Variants in PTPN13 observed in about 807,000 individuals in gnomAD.
PTPN13 encodes tyrosine-protein phosphatase non-receptor type 13.
A neutral mutation model predicts 284.0 loss-of-function variants in PTPN13; 191 were observed. The ratio of observed to expected loss-of-function variants is 0.67; its 90% CI spans 0.60 to 0.76. PTPN13 has a LOEUF of 0.76. Among genes scored for constraint, PTPN13 ranks in the 30% least tolerant of loss-of-function variants. The pLI, the probability that PTPN13 is intolerant of heterozygous loss-of-function variation, is 0.00. For synonymous variants in PTPN13, 986 were observed against 1,022.3 expected (o/e 0.96, Z 0.68); for missense variants, 2,797 against 2,939.9 (o/e 0.95, Z 1.12).
intron 2 of PTPN13, among the ~76,000 whole-genome samples, chr4:86,651,208 T>C (rs1172944840): frequency 6.6e-6 from 1 of 152,214 alleles, no homozygotes; most frequent in African/African-American, 2.4e-5. Context: ...TGATATGATA[T>C]CTACCATTGA....
intron 1 of PTPN13, among the ~76,000 whole-genome samples, chr4:86,623,505 C>T (rs1721485432): frequency 6.6e-6 from 1 of 152,200 alleles, no homozygotes; most frequent in South Asian, 2.1e-4. Flanking sequence ...ACTTGGCATT[C>T]ATATGCATCT....
intron 42 of PTPN13, 22 bp from the exon 43 acceptor site, chr4:86,803,687 T>C (rs1432120318): frequency 6.2e-7 from 1 of 1,611,226 alleles, no homozygotes; most frequent in African/African-American, 1.3e-5. Flanking sequence ...GAACTGTTTT[T>C]AAATTGCTGT....
intron 2 of PTPN13, among the ~76,000 whole-genome samples, chr4:86,649,404 A>T (rs1277663371): frequency 1.3e-5 from 2 of 152,124 alleles, no homozygotes; most frequent in Non-Finnish European, 2.9e-5. Context: ...TGATTTTTGT[A>T]TAAGGCAAGA....
Position 86,810,000 on chromosome 4 carries a change from T to A in PTPN13, c.7299+16T>A, listed in dbSNP as rs751388470. On this transcript the variant is annotated intron_variant, in intron 46 of 47. Transcript: ENST00000411767. ...GGATCTTGATGTGAGTACAAGATAT[T>A]GGCTGAGTAAGCATTTGTTCAGAAA... is the stretch of plus-strand genomic sequence containing the variant. 1.3e-6 allele frequency: 2 copies of A among 1,598,224 alleles called. No homozygotes were observed. Among genetic ancestry groups the A allele is most frequent in the Non-Finnish European group, 1.7e-6 (2 of 1,167,670 alleles).
chr4:86,691,372 G>T lies in PTPN13; in HGVS notation c.546+2182G>T, dbSNP rs1054656758. On this transcript the variant is annotated intron_variant, in intron 5 of 47. Coordinates refer to ENST00000411767, the MANE Select transcript of PTPN13 (RefSeq NM_080683.3). ...TTTGGGGAACAGTATGACATGGGGT[G>T]TATTGTGGGGTTATTTAATGGGAGA... is the stretch of plus-strand genomic sequence containing the variant. 3.1e-4 allele frequency among the ~76,000 whole-genome samples: 47 copies of T among 152,256 alleles called. 1 individual carries two copies. Among genetic ancestry groups the T allele is most frequent in the African/African-American group, 1.1e-3 (45 of 41,552 alleles).
chr4:86,794,001 G>A (rs572759585), intron 40 of PTPN13, among the ~76,000 whole-genome samples: 47 of 152,234 alleles, frequency 3.1e-4, no homozygotes, highest in African/African-American at 9.9e-4. Context: ...ACTAAGATCA[G>A]AGCAGAACTG....
At position 86,780,447 on chromosome 4, in the gene PTPN13, A is replaced by C. The variant is rs1306526802; in HGVS notation, c.5937A>C (p.Ser1979=). ...CCAGCTCAAAGAGGTCTGCTGTTTC[A>C]GCTCCAAAGTCAACCAAAGGCAATG... ...VVPSSKRSAV[S]APKSTKGNGS... The change falls in exon 36 of 48, where the codon TCA becomes TCC. Residue 1979 remains serine (S), a synonymous_variant. Transcript: ENST00000411767. 4 of 1,610,418 alleles carry C rather than the reference A, an allele frequency of 2.5e-6. No individual in the cohort carries two copies. Among genetic ancestry groups the C allele is most frequent in the Non-Finnish European group, 3.4e-6 (4 of 1,177,716 alleles).
intron 4 of PTPN13, among the ~76,000 whole-genome samples, chr4:86,688,683 G>A (rs1250531647): frequency 6.6e-6 from 1 of 152,092 alleles, no homozygotes; most frequent in Non-Finnish European, 1.5e-5. Context: ...GTATGTTTGT[G>A]TGTGCGTGTG....
chr4:86,785,249 A>G lies in PTPN13; in HGVS notation c.6137A>G (p.Asp2046Gly). ...TTTCAAGAATCTTATATACAAGAAG[A>G]TGACATTTATGATGATTCCCAAGAA... ...TLPKESYIQE[D>G]DIYDDSQEAE... is the part of the protein sequence containing the mutation. Residue 2046 changes from aspartate (D) to glycine (G), a missense_variant, in exon 39 of 48, where the codon GAT (aspartate) becomes GGT (glycine). Physicochemically the swap from Asp to Gly is moderately conservative, Grantham distance 94 (BLOSUM62 -1). Transcript: ENST00000411767. The G allele has an allele frequency of 1.3e-6, 2 of 1,557,930 alleles. No individual in the cohort carries two copies. Among genetic ancestry groups the G allele is most frequent in the Non-Finnish European group, 1.8e-6 (2 of 1,138,614 alleles).
intron 7 of PTPN13, among the ~76,000 whole-genome samples, chr4:86,702,376 A>G (rs555787476): frequency 1.1e-3 from 175 of 152,312 alleles, no homozygotes; most frequent in Non-Finnish European, 6.5e-4. Flanking sequence ...TTAGGTTTAC[A>G]GAGTCAGCCT....
At chr4:86,619,542 G>A (rs1435597386) in intron 1 of PTPN13, among the ~76,000 whole-genome samples, 1 of 152,080 alleles carries the variant, frequency 6.6e-6, no homozygotes, top group Non-Finnish European at 1.5e-5. Context: ...CTTAGGAGAA[G>A]TGGAAAAGGC....
chr4:86,739,790 G>A (rs1363243409), intron 15 of PTPN13, among the ~76,000 whole-genome samples: 1 of 152,198 alleles, frequency 6.6e-6, no homozygotes, highest in Non-Finnish European at 1.5e-5. Flanking sequence ...TCAAAAGCAA[G>A]TTAGTTACTT....
intron 6 of PTPN13, among the ~76,000 whole-genome samples, chr4:86,694,982 T>C (rs894523103): frequency 6.6e-6 from 1 of 152,130 alleles, no homozygotes; most frequent in African/African-American, 2.4e-5. Flanking sequence ...TTGTGAAAAA[T>C]AAATGTAGAC....
chr4:86,813,515 G>A (rs1218022876), intron 47 of PTPN13, among the ~76,000 whole-genome samples: 3 of 152,098 alleles, frequency 2.0e-5, no homozygotes, highest in East Asian at 3.9e-4. Context: ...CGTGATCTCT[G>A]CTCACTGCAA....
intron 40 of PTPN13, among the ~76,000 whole-genome samples, chr4:86,794,121 T>G (rs1473368353): frequency 1.3e-5 from 2 of 152,142 alleles, no homozygotes; most frequent in African/African-American, 4.8e-5. Context: ...TTGTCTCTGT[T>G]TGCAGATGAC....
chr4:86,767,270 A>C (rs1413090554), intron 27 of PTPN13, among the ~76,000 whole-genome samples: 1 of 136,356 alleles, frequency 7.3e-6, no homozygotes, highest in Non-Finnish European at 1.6e-5. Flanking sequence ...ATTGAGATGG[A>C]ATTTCGCTCT....
At position 86,798,500 on chromosome 4, in the gene PTPN13, A is replaced by T. The variant is rs535315004; in HGVS notation, c.6402-601A>T. 6.6e-5 allele frequency among the ~76,000 whole-genome samples: 10 copies of T among 152,262 alleles called. No homozygotes were observed. The South Asian group carries it at 2.1e-3, about 32-fold the overall frequency. ...AAAAACGTATTCAGGCTTTTACGTA[A>T]TCCTTTTTCACTTCACCTTAGCACT... On this transcript the variant is annotated intron_variant, in intron 41 of 47. Coordinates refer to ENST00000411767, the MANE Select transcript of PTPN13 (RefSeq NM_080683.3).
Position 86,701,454 on chromosome 4 carries a change from A to G in PTPN13, c.848A>G (p.Glu283Gly), listed in dbSNP as rs748365533. Residue 283 changes from glutamate (E) to glycine (G), a missense_variant, in exon 7 of 48, where the codon GAA becomes GGA. Glu to Gly is a moderately conservative substitution (Grantham distance 98). Coordinates refer to ENST00000411767, the MANE Select transcript of PTPN13 (RefSeq NM_080683.3). ...SPYQFKTSGPEKKPIPGIDVL... is the reference protein window; with the variant it reads ...SPYQFKTSGPGKKPIPGIDVL... ...TACCAGTTCAAAACTAGTGGCCCAG[A>G]AAAAAAACCCATCCCTGGCATTGAT... is the stretch of plus-strand genomic sequence containing the variant. The G allele has an allele frequency of 5.1e-5, 83 of 1,613,214 alleles. No homozygotes were observed. The highest frequency in any genetic ancestry group is 5.7e-5 in the Non-Finnish European group (67 of 1,179,512).
chr4:86,649,808 C>T (rs190380099), intron 2 of PTPN13, among the ~76,000 whole-genome samples: 18 of 152,246 alleles, frequency 1.2e-4, no homozygotes, highest in African/African-American at 4.3e-4. Flanking sequence ...CTGTAGATTG[C>T]TTTAGACATG....
Sources: allele counts gnomAD v4.1 joint callset (sites outside exome capture counted in the v4.1 genomes callset), GRCh38; gene constraint gnomAD v4.1.1; transcripts MANE v1.5; gene names NCBI Gene and HGNC (gene_info 2026-07-23, HGNC 2026-07-21).